The following TMTC4 variants were observed in gnomAD, a reference collection of about 807,000 sequenced individuals.
TMTC4 encodes transmembrane O-mannosyltransferase targeting cadherins 4.
A neutral mutation model predicts 86.0 loss-of-function variants in TMTC4; 65 were observed. That is an observed-to-expected ratio of 0.76 (90% CI 0.62 to 0.93). TMTC4 has a LOEUF of 0.93. Ranked by LOEUF, TMTC4 falls within the 40% of genes least tolerant of loss-of-function variation. TMTC4 has a pLI of 0.00. For synonymous variants in TMTC4, 379 were observed against 382.5 expected (o/e 0.99, Z 0.11); for missense variants, 866 against 948.1 (o/e 0.91, Z 1.14).
At chr13:100,621,421 CT>C (rs1007970616) in intron 15 of TMTC4, among the ~76,000 whole-genome samples, 4 of 151,460 alleles carry the variant, frequency 2.6e-5, no homozygotes, top group African/African-American at 7.3e-5. Flanking sequence ...AAGAAGAATT[CT>C]TTTTTTTTAT....
At chr13:100,627,400 G>A (rs1880721487) in intron 12 of TMTC4, among the ~76,000 whole-genome samples, 3 of 152,184 alleles carry the variant, frequency 2.0e-5, no homozygotes, top group Admixed American at 2.0e-4. Flanking sequence ...AGTCCTGGAG[G>A]CTGAGATCAC....
intron 6 of TMTC4, among the ~76,000 whole-genome samples, chr13:100,655,211 G>T (rs1054140608): frequency 1.3e-5 from 2 of 151,922 alleles, no homozygotes; most frequent in Non-Finnish European, 2.9e-5. Context: ...TAGTAGAGAT[G>T]AGGGTTTCAC....
At chr13:100,621,170 C>G (rs1343980976) in intron 15 of TMTC4, among the ~76,000 whole-genome samples, 2 of 152,194 alleles carry the variant, frequency 1.3e-5, no homozygotes, top group Non-Finnish European at 2.9e-5. Flanking sequence ...ATGATAAAAG[C>G]TGGTACTTTA....
intron 12 of TMTC4, among the ~76,000 whole-genome samples, chr13:100,627,192 G>A (rs1364573001): frequency 6.6e-6 from 1 of 152,156 alleles, no homozygotes; most frequent in African/African-American, 2.4e-5. Flanking sequence ...AGCACAGAGA[G>A]CAGGGATGCA....
chr13:100,605,259 TG>T lies in TMTC4; in HGVS notation c.2135-118del, dbSNP rs1302868804. On this transcript the variant is annotated intron_variant, in intron 18 of 18. Coordinates refer to ENST00000342624, the MANE Select transcript of TMTC4 (RefSeq NM_032813.5). This position sits in a 1 kb window ranked among gnomAD's most constrained non-coding sequence, Gnocchi z 4.3. The stretch of plus-strand genomic sequence containing the variant: ...ATGCAAACAGTTTTCAAAAGTCAAT[TG>T]TATGAAACAATATTGTTTGTACTGA... The T allele has an allele frequency of 3.4e-6, 4 of 1,191,340 alleles. No homozygotes were observed. The highest frequency in any genetic ancestry group is 1.5e-5 in the South Asian group (1 of 65,050). The allele number at this position is 1,191,340 out of a possible 1,614,324, so 73.8% of individuals were successfully genotyped here. A position where few individuals can be genotyped will look rare whatever the true frequency, so the allele number is the denominator to read the frequency against.
At chr13:100,664,166 A>G (rs1294105014) in intron 4 of TMTC4, 55 bp downstream of exon 4, 13 of 1,453,512 alleles carry the variant, frequency 8.9e-6, no homozygotes, top group Admixed American at 4.3e-5. Flanking sequence ...CCTGTATCCA[A>G]TGTCACACAC....
chr13:100,674,174 G>A lies in TMTC4; in HGVS notation c.-208+570C>T, dbSNP rs765650591. On this transcript the variant is annotated intron_variant, in intron 1 of 18. Transcript: ENST00000342624. ...AAGCGGCGGCTCGGTGGCCCCGGGCGCCCGGGCCGGTGGCCCCGCGCTCGC... is the reference window on the plus strand; with the variant it reads ...AAGCGGCGGCTCGGTGGCCCCGGGCACCCGGGCCGGTGGCCCCGCGCTCGC... The A allele has an allele frequency of 2.2e-3, 2,173 of 971,664 alleles. 1 individual carries two copies. Among genetic ancestry groups the A allele is most frequent in the Non-Finnish European group, 2.4e-3 (1,939 of 818,510 alleles). 60.2% of individuals were successfully genotyped at this position (971,664 alleles called of 1,614,324 possible).
At chr13:100,626,291 C>T (rs536031278) in intron 12 of TMTC4, 141 bp from the exon 13 acceptor site, 4 of 818,466 alleles carry the variant, frequency 4.9e-6, no homozygotes, top group African/African-American at 3.4e-5. Context: ...TAAAACCCTA[C>T]AGGGGTTAGG....
At chr13:100,673,423 ACATT>A in intron 1 of TMTC4, 1 of 911,908 alleles carries the variant, frequency 1.1e-6, no homozygotes, top group Non-Finnish European at 1.3e-6. Context: ...CTCATCTGTA[ACATT>A]CAATCACATA....
intron 15 of TMTC4, among the ~76,000 whole-genome samples, chr13:100,621,568 G>A (rs1879480174): frequency 6.6e-6 from 1 of 152,126 alleles, no homozygotes; most frequent in South Asian, 2.1e-4. Context: ...TGGGACTATA[G>A]GCGCCTGCCA....
intron 3 of TMTC4, among the ~76,000 whole-genome samples, chr13:100,667,327 G>A (rs1422184452): frequency 1.3e-5 from 2 of 152,064 alleles, no homozygotes; most frequent in East Asian, 3.9e-4. Flanking sequence ...TACTTGGGAG[G>A]CTGAGGCAGT....
At chr13:100,658,763 G>A (rs1043097399) in intron 5 of TMTC4, among the ~76,000 whole-genome samples, 2 of 152,168 alleles carry the variant, frequency 1.3e-5, no homozygotes. Flanking sequence ...ACCATCCCAC[G>A]ACTTTGAGCA....
At chr13:100,606,148 G>A (rs1876552586) in intron 18 of TMTC4, among the ~76,000 whole-genome samples, 1 of 152,184 alleles carries the variant, frequency 6.6e-6, no homozygotes, top group Admixed American at 6.5e-5. Context: ...GTAATAGAGT[G>A]GGCAAACTTT....
intron 1 of TMTC4, chr13:100,674,336 C>T (rs1263905309): frequency 1.0e-6 from 1 of 978,568 alleles, no homozygotes; most frequent in Non-Finnish European, 1.2e-6. Flanking sequence ...AGCTGGCGGC[C>T]AGGCGCGGGG....
chr13:100,633,827 T>C (rs1476219768), intron 12 of TMTC4, among the ~76,000 whole-genome samples: 1 of 150,544 alleles, frequency 6.6e-6, no homozygotes, highest in African/African-American at 2.4e-5. Context: ...GATTTGTGTA[T>C]CTAAACATAG....
intron 1 of TMTC4, among the ~76,000 whole-genome samples, chr13:100,671,777 C>T (rs1253928772): frequency 6.6e-6 from 1 of 151,808 alleles, no homozygotes; most frequent in Non-Finnish European, 1.5e-5. Context: ...CACTTCTTTG[C>T]TGCCACTGAA....
intron 15 of TMTC4, chr13:100,624,250 C>G (rs1284068752): frequency 1.3e-5 from 2 of 151,502 alleles, no homozygotes; most frequent in African/African-American, 4.9e-5. Context: ...GGCGTGAACC[C>G]GGGGGGCGGA....
At chr13:100,674,153 G>A in intron 1 of TMTC4, 1 of 981,764 alleles carries the variant, frequency 1.0e-6, no homozygotes, top group Non-Finnish European at 1.2e-6. Flanking sequence ...GCCGGGAAGC[G>A]GCGGCTCGGT....
intron 6 of TMTC4, among the ~76,000 whole-genome samples, chr13:100,650,067 C>A (rs564187352): frequency 5.1e-4 from 78 of 151,468 alleles, no homozygotes; most frequent in Non-Finnish European, 8.4e-4. Context: ...ATACCAATGA[C>A]CCAGGAGAGG....
Sources: gnomAD v4.1 joint callset for allele counts (sites outside exome capture counted in the v4.1 genomes callset) on GRCh38, gnomAD v4.1.1 for gene constraint, Gnocchi (gnomAD v3.1) non-coding constraint, MANE v1.5 for transcripts, NCBI Gene and HGNC (gene_info 2026-07-23, HGNC 2026-07-21) for gene names.